Variants in SCLT1 observed in about 807,000 individuals in gnomAD.
SCLT1 encodes the protein sodium channel and clathrin linker 1, also known as sodium channel-associated protein 1.
SCLT1 carries 78 observed loss-of-function variants against 112.8 expected under a neutral mutation model. The observed-to-expected ratio is 0.69, with a 90% confidence interval of 0.58 to 0.83. The LOEUF is 0.83. SCLT1 is among the 40% of genes least tolerant of loss of function. SCLT1 has a pLI of 0.00. For synonymous variants in SCLT1, 257 were observed against 254.7 expected (o/e 1.01, Z -0.09); for missense variants, 747 against 770.4 (o/e 0.97, Z 0.36).
At chr4:129,025,619 G>T (rs1745984266) in intron 5 of SCLT1, among the ~76,000 whole-genome samples, 1 of 152,056 alleles carries the variant, frequency 6.6e-6, no homozygotes, top group South Asian at 2.1e-4. Flanking sequence ...AGACCATCGA[G>T]GCTAGGAAGA....
At position 129,078,242 on chromosome 4, in the gene SCLT1, A is replaced by C. The variant is rs190466727; in HGVS notation, c.102+4064T>G. Among the ~76,000 whole-genome samples the C allele has an allele frequency of 3.0e-3, 455 of 152,346 alleles. 2 individuals are homozygous for C. The highest frequency in any genetic ancestry group is 0.011 in the African/African-American group (437 of 41,580). Reference sequence around the variant, plus strand: ...GCTACTCTTGAGCTTTAATTAGTATAATCACAATGCATAATGCAGGTGCAT... The same window carrying C: ...GCTACTCTTGAGCTTTAATTAGTATCATCACAATGCATAATGCAGGTGCAT... On this transcript the variant is annotated intron_variant, in intron 2 of 20. Transcript: ENST00000281142.
intron 1 of SCLT1, among the ~76,000 whole-genome samples, chr4:129,088,597 A>G (rs1752589181): frequency 6.6e-6 from 1 of 152,234 alleles, no homozygotes; most frequent in African/African-American, 2.4e-5. Flanking sequence ...TTACAAGATT[A>G]TCTACATAAA....
At chr4:128,940,612 A>AAAAT (rs1345441538) in intron 17 of SCLT1, among the ~76,000 whole-genome samples, 3 of 151,998 alleles carry the variant, frequency 2.0e-5, no homozygotes, top group Non-Finnish European at 4.4e-5. Context: ...CTATATGTCA[A>AAAAT]AAATACATAT....
At chr4:129,075,239 C>T (rs1751360610) in intron 2 of SCLT1, among the ~76,000 whole-genome samples, 1 of 152,056 alleles carries the variant, frequency 6.6e-6, no homozygotes. Context: ...TTCCTCTATC[C>T]TTTGGAAGGA....
At chr4:128,986,181 G>T (rs775533218) in intron 9 of SCLT1, among the ~76,000 whole-genome samples, 5 of 152,116 alleles carry the variant, frequency 3.3e-5, no homozygotes, top group Non-Finnish European at 7.4e-5. Context: ...GAGGGAGAGT[G>T]AAGTAAGTGT....
At chr4:129,006,293 A>AT (rs2126094142) in intron 5 of SCLT1, among the ~76,000 whole-genome samples, 1 of 152,284 alleles carries the variant, frequency 6.6e-6, no homozygotes, top group Admixed American at 6.5e-5. Context: ...TAATCCCAGC[A>AT]TTTTGGTAGG....
At chr4:128,889,615 G>C (rs1733155799) in intron 19 of SCLT1, among the ~76,000 whole-genome samples, 1 of 152,110 alleles carries the variant, frequency 6.6e-6, no homozygotes, top group Admixed American at 6.5e-5. Context: ...AACTATACAG[G>C]CATCATGAAT....
At chr4:128,881,261 AT>A, downstream of SCLT1, among the ~76,000 whole-genome samples, 1 of 152,236 alleles carries the variant, frequency 6.6e-6, no homozygotes, top group East Asian at 1.9e-4. Context: ...TTTGATAAAA[AT>A]TTTTGCAAAA....
chr4:129,042,950 G>A (rs1747837542), intron 4 of SCLT1, among the ~76,000 whole-genome samples: 1 of 152,096 alleles, frequency 6.6e-6, no homozygotes, highest in South Asian at 2.1e-4. Flanking sequence ...GCACATGCCT[G>A]TAATCCCAGC....
intron 6 of SCLT1, among the ~76,000 whole-genome samples, chr4:129,001,958 C>T (rs1249524737): frequency 1.3e-5 from 2 of 151,922 alleles, no homozygotes; most frequent in Admixed American, 6.6e-5. Context: ...ATGCTTTCCT[C>T]ATTATTTCTT....
chr4:128,986,652 C>G (rs1742121726), intron 9 of SCLT1, among the ~76,000 whole-genome samples: 1 of 152,188 alleles, frequency 6.6e-6, no homozygotes, highest in South Asian at 2.1e-4. Flanking sequence ...AAGCAGATTT[C>G]TGAAGTCCCA....
rs948852751 is a variant in SCLT1, at chr4:128,959,313, G to GT, written c.1047+286dup. Among the ~76,000 whole-genome samples the GT allele has an allele frequency of 1.4e-3, 204 of 146,596 alleles. 2 individuals carry two copies. In the Middle Eastern group the frequency reaches 0.032, roughly 23 times the overall value. On this transcript the variant is annotated intron_variant, in intron 12 of 20. Coordinates refer to ENST00000281142, the MANE Select transcript of SCLT1 (RefSeq NM_144643.4). ...ATACTGAAGTAAAGCACTGTTAACA[G>GT]TTTTTTTTTTTTAAGTATGAGACTA...
intron 18 of SCLT1, among the ~76,000 whole-genome samples, chr4:128,932,547 G>A (rs1340464111): frequency 6.6e-6 from 1 of 151,904 alleles, no homozygotes; most frequent in East Asian, 1.9e-4. Flanking sequence ...TCCTCTGAAG[G>A]TCAAAAACAT....
In SCLT1 at chr4:128,891,395, GGTAA is replaced by G. The variant is rs1217732617; in HGVS notation, c.1830-262_1830-259del. On this transcript the variant is annotated intron_variant, in intron 18 of 20. Transcript: ENST00000281142. ...TTGTACACTTAAAAATAGTTAAGGT[GGTAA>G]GTTTTATGTGTATTTTATCATAATT... Among the ~76,000 whole-genome samples, 3 of 151,688 alleles carry G rather than the reference GGTAA, an allele frequency of 2.0e-5. No individual in the cohort carries two copies. The East Asian group carries it at 5.8e-4, about 29-fold the overall frequency.
At chr4:129,082,495 A>T (rs1752031915) in intron 1 of SCLT1, 122 bp from the exon 2 acceptor site, 1 of 475,328 alleles carries the variant, frequency 2.1e-6, no homozygotes, top group African/African-American at 2.0e-5. Context: ...GCTTCTCAAA[A>T]TAAGATGAAT....
At chr4:129,073,066 A>G (rs1203192799) in intron 2 of SCLT1, among the ~76,000 whole-genome samples, 1 of 151,978 alleles carries the variant, frequency 6.6e-6, no homozygotes, top group African/African-American at 2.4e-5. Flanking sequence ...AGTGATTGCT[A>G]TCTCTCTTCT....
intron 2 of SCLT1, among the ~76,000 whole-genome samples, chr4:129,069,764 C>G (rs1015047288): frequency 6.6e-6 from 1 of 152,044 alleles, no homozygotes; most frequent in Non-Finnish European, 1.5e-5. Flanking sequence ...CTTGTCTGAT[C>G]GCTCTGGCTA....
intron 2 of SCLT1, among the ~76,000 whole-genome samples, chr4:129,076,276 T>C (rs1455327323): frequency 6.6e-6 from 1 of 152,150 alleles, no homozygotes; most frequent in African/African-American, 2.4e-5. Context: ...AATGAGTATA[T>C]TAATGTTTGT....
intron 5 of SCLT1, among the ~76,000 whole-genome samples, chr4:129,028,014 A>G (rs998707643): frequency 2.6e-5 from 4 of 152,224 alleles, no homozygotes; most frequent in African/African-American, 9.6e-5. Flanking sequence ...CCACTGCTCA[A>G]TGAAATAAAA....
Sources: gnomAD v4.1 joint callset for allele counts (sites outside exome capture counted in the v4.1 genomes callset) on GRCh38, gnomAD v4.1.1 for gene constraint, MANE v1.5 for transcripts, NCBI Gene and HGNC (gene_info 2026-07-23, HGNC 2026-07-21) for gene names.